Variants in PLCL1 observed in about 807,000 individuals in gnomAD.
PLCL1 encodes the protein inactive phospholipase C-like protein 1.
In PLCL1, 41 loss-of-function variants were observed where a neutral mutation model predicts 84.4. The observed-to-expected ratio is 0.49, with a 90% CI of 0.38 to 0.63. The LOEUF is 0.63. Ranked by LOEUF, PLCL1 falls within the 30% of genes least tolerant of loss-of-function variation. PLCL1 has a pLI of 0.00. For synonymous variants in PLCL1, 490 were observed against 488.3 expected, an observed-to-expected ratio of 1.00 and a Z score of -0.05; for missense variants, 1,206 against 1,367.8, an observed-to-expected ratio of 0.88 and a Z score of 1.87.
chr2:197,940,767 C>T lies in PLCL1; in HGVS notation c.240+135428C>T, dbSNP rs1334842527. 2.0e-5 allele frequency among the ~76,000 whole-genome samples: 3 copies of T among 152,268 alleles called. No individual in the cohort carries two copies. In the East Asian group the frequency reaches 5.8e-4, roughly 29 times the overall value. On this transcript the variant is annotated intron_variant, in intron 1 of 5. Transcript: ENST00000428675. ...CGCCATATTACACATAGACACACTG[C>T]CTTTTCCATTGTGCTCTAATAGTAT...
At chr2:197,987,160 C>T (rs1277668533) in intron 1 of PLCL1, among the ~76,000 whole-genome samples, 2 of 152,162 alleles carry the variant, frequency 1.3e-5, no homozygotes, top group African/African-American at 4.8e-5. Flanking sequence ...ACCTTTTCAC[C>T]AGAAACACGT....
chr2:197,927,093 C>T (rs1447867407), intron 1 of PLCL1, among the ~76,000 whole-genome samples: 1 of 152,190 alleles, frequency 6.6e-6, no homozygotes, highest in Non-Finnish European at 1.5e-5. Context: ...TTCTTAGGAT[C>T]TAGGCTCTGA....
intron 1 of PLCL1, among the ~76,000 whole-genome samples, chr2:197,890,682 C>CTATATATATATATATATATATATA (rs1553500076): frequency 2.7e-4 from 31 of 116,180 alleles, no homozygotes; most frequent in African/African-American, 1.0e-3. Context: ...TATTTTTTTG[C>CTATATATATATATATATATATATA]TATATATATA....
At chr2:198,038,879 A>G (rs894470040) in intron 1 of PLCL1, among the ~76,000 whole-genome samples, 9 of 151,708 alleles carry the variant, frequency 5.9e-5, no homozygotes, top group Non-Finnish European at 8.8e-5. Flanking sequence ...GAGTTCACTC[A>G]ATTTTTTATC....
chr2:197,829,984 C>T (rs978376658), intron 1 of PLCL1, among the ~76,000 whole-genome samples: 1 of 152,118 alleles, frequency 6.6e-6, no homozygotes, highest in African/African-American at 2.4e-5. Flanking sequence ...CACAAAATAC[C>T]TTGAAACTGG....
At chr2:197,806,872 G>A (rs950343487) in intron 1 of PLCL1, among the ~76,000 whole-genome samples, 3 of 152,196 alleles carry the variant, frequency 2.0e-5, no homozygotes, top group Non-Finnish European at 4.4e-5. Flanking sequence ...AAGTAATGGA[G>A]TATAAGGAAT....
chr2:198,037,594 C>A (rs908481771), intron 1 of PLCL1, among the ~76,000 whole-genome samples: 3 of 152,172 alleles, frequency 2.0e-5, no homozygotes, highest in African/African-American at 4.8e-5. Context: ...TCAGCATTCT[C>A]TTTATAAAAT....
At chr2:198,015,830 C>G (rs1396978407) in intron 1 of PLCL1, among the ~76,000 whole-genome samples, 1 of 151,742 alleles carries the variant, frequency 6.6e-6, no homozygotes, top group Non-Finnish European at 1.5e-5. Context: ...AACACTGGAG[C>G]CAAAATTTTG....
At chr2:197,840,665 C>T (rs557646376) in intron 1 of PLCL1, among the ~76,000 whole-genome samples, 1 of 152,034 alleles carries the variant, frequency 6.6e-6, no homozygotes, top group Non-Finnish European at 1.5e-5. Flanking sequence ...ATAAATGCTC[C>T]TAAAATGAAT....
intron 1 of PLCL1, among the ~76,000 whole-genome samples, chr2:197,858,276 C>T (rs1305505578): frequency 6.6e-6 from 1 of 152,158 alleles, no homozygotes; most frequent in Non-Finnish European, 1.5e-5. Context: ...CAAGTGACAG[C>T]CACTGAGTTG....
At position 198,147,509 on chromosome 2, in the gene PLCL1, C is replaced by T. The variant is rs1321203363; in HGVS notation, c.*547C>T. ...AGATTAAATATAGATTAGAAAAATTCCTAAGAATCAGAGTAGAAATAAAAG... is the reference window on the plus strand; with the variant it reads ...AGATTAAATATAGATTAGAAAAATTTCTAAGAATCAGAGTAGAAATAAAAG... On this transcript the variant is annotated 3_prime_UTR_variant, in exon 6 of 6. Transcript: ENST00000428675. 6.6e-6 allele frequency: 1 copy of T among 151,856 alleles called. No homozygotes were observed. Among genetic ancestry groups the T allele is most frequent in the African/African-American group, 2.4e-5 (1 of 41,308 alleles). 9.4% of individuals were successfully genotyped at this position (151,856 alleles called of 1,614,324 possible). A position where few individuals can be genotyped will look rare whatever the true frequency, so the allele number is the denominator to read the frequency against.
chr2:198,065,165 A>C (rs1692294710), intron 1 of PLCL1, among the ~76,000 whole-genome samples: 1 of 152,144 alleles, frequency 6.6e-6, no homozygotes, highest in African/African-American at 2.4e-5. Flanking sequence ...GAATAATATT[A>C]ATCTAAGTTT....
intron 1 of PLCL1, among the ~76,000 whole-genome samples, chr2:197,874,097 A>G (rs1334534268): frequency 6.6e-6 from 1 of 152,152 alleles, no homozygotes; most frequent in African/African-American, 2.4e-5. Context: ...ATTTTATAGC[A>G]CTTGCTCTGG....
Position 197,886,915 on chromosome 2 carries a change from A to G in PLCL1, c.240+81576A>G, listed in dbSNP as rs191065346. Among the ~76,000 whole-genome samples the G allele has an allele frequency of 2.7e-3, 406 of 152,320 alleles. 1 individual carries two copies. Among genetic ancestry groups the G allele is most frequent in the Non-Finnish European group, 4.5e-3 (303 of 68,024 alleles). On this transcript the variant is annotated intron_variant, in intron 1 of 5. Coordinates refer to ENST00000428675, the MANE Select transcript of PLCL1 (RefSeq NM_006226.4). ...AATATCCAGGAAGCCTTAGGTTTTT[A>G]TATTCTGTTATTCTCTTCAGTTTGC... is the stretch of plus-strand genomic sequence containing the variant.
chr2:198,082,706 G>A (rs1483602352), intron 1 of PLCL1, among the ~76,000 whole-genome samples: 4 of 152,138 alleles, frequency 2.6e-5, no homozygotes, highest in Non-Finnish European at 5.9e-5. Context: ...AATTGGGAAT[G>A]ATAGACACAG....
chr2:197,995,941 C>T (rs914143654), intron 1 of PLCL1, among the ~76,000 whole-genome samples: 1 of 152,096 alleles, frequency 6.6e-6, no homozygotes, highest in African/African-American at 2.4e-5. Flanking sequence ...AGTTTATGCA[C>T]AGGAAATGTG....
intron 1 of PLCL1, among the ~76,000 whole-genome samples, chr2:197,925,408 T>A (rs1218879777): frequency 6.6e-6 from 1 of 152,182 alleles, no homozygotes; most frequent in Non-Finnish European, 1.5e-5. Flanking sequence ...AAGAAATTTC[T>A]TCCCAAGTGA....
In PLCL1 at chr2:197,805,033, G is replaced by T; in HGVS notation, c.-67G>T. The T allele has an allele frequency of 7.1e-7, 1 of 1,409,196 alleles. No homozygotes were observed. The highest frequency in any genetic ancestry group is 1.5e-5 in the South Asian group (1 of 68,126). The allele number at this position is 1,409,196 out of a possible 1,614,324, so 87.3% of individuals were successfully genotyped here. The stretch of plus-strand genomic sequence containing the variant: ...CCTCCCGGTGCAGGAGCGCACCGGT[G>T]CCTAGCGGCTGGACTCCGCTGCCGG... On this transcript the variant is annotated 5_prime_UTR_variant, in exon 1 of 6. Transcript: ENST00000428675. This position sits in a 1 kb window ranked among gnomAD's most constrained non-coding sequence, Gnocchi z 4.0.
At chr2:197,975,347 C>T (rs1689958026) in intron 1 of PLCL1, among the ~76,000 whole-genome samples, 1 of 152,010 alleles carries the variant, frequency 6.6e-6, no homozygotes, top group Non-Finnish European at 1.5e-5. Context: ...ATTACAAAAT[C>T]AGGCCTAGGG....
Sources: allele counts gnomAD v4.1 joint callset (sites outside exome capture counted in the v4.1 genomes callset), GRCh38; gene constraint gnomAD v4.1.1; non-coding constraint Gnocchi (gnomAD v3.1); transcripts MANE v1.5; gene names NCBI Gene and HGNC (gene_info 2026-07-23, HGNC 2026-07-21).